The following MRTFB variants were observed in gnomAD, a reference collection of about 807,000 sequenced individuals.
The protein encoded by MRTFB is myocardin-related transcription factor B.
MRTFB carries 29 observed loss-of-function variants against 104.2 expected under a neutral mutation model. The ratio of observed to expected loss-of-function variants is 0.28; its 90% CI spans 0.21 to 0.38. The LOEUF is 0.38. MRTFB is among the 10% of genes least tolerant of loss of function. The pLI is 1.00. For synonymous variants in MRTFB, 535 were observed against 519.5 expected (o/e 1.03, Z -0.41); for missense variants, 1,270 against 1,341.6 (o/e 0.95, Z 0.83).
the MRTFB span, among the ~76,000 whole-genome samples, chr16:14,046,693 T>G: frequency 2.5e-4 from 38 of 152,324 alleles, no homozygotes; most frequent in Non-Finnish European, 5.0e-4. Flanking sequence ...CGATCATGTT[T>G]CTTAATCAAT....
chr16:14,152,754 A>C (rs970216883), intron 3 of MRTFB: 1 of 152,192 alleles, frequency 6.6e-6, no homozygotes, highest in Non-Finnish European at 1.5e-5. Flanking sequence ...GGCATTCCAC[A>C]TTGGGAGGAC....
intron 3 of MRTFB, chr16:14,141,563 T>G (rs1196378095): frequency 1.3e-5 from 2 of 152,166 alleles, no homozygotes. Context: ...TAAATTTCAG[T>G]TTTTTAAAAG....
intron 14 of MRTFB, 39 bp downstream of exon 14, chr16:14,252,062 A>G (rs1346375591): frequency 4.4e-6 from 7 of 1,602,494 alleles, no homozygotes; most frequent in Non-Finnish European, 6.0e-6. Flanking sequence ...ACAGTGCCGC[A>G]GGGGCATCAA....
the MRTFB span, among the ~76,000 whole-genome samples, chr16:14,066,126 T>C: frequency 6.6e-6 from 1 of 152,218 alleles, no homozygotes; most frequent in Non-Finnish European, 1.5e-5. Context: ...ACATTTTTTA[T>C]TGAATGAATG....
chr16:14,117,922 T>C (rs2036626038), intron 2 of MRTFB, among the ~76,000 whole-genome samples: 2 of 152,184 alleles, frequency 1.3e-5, no homozygotes, highest in African/African-American at 4.8e-5. Flanking sequence ...TTTAAAAATA[T>C]GTTACTTCAT....
rs750046044 is a variant in MRTFB, at chr16:14,247,386, CTGT to C, written c.2132_2134del (p.Val711del). 3.0e-5 allele frequency: 48 copies of C among 1,613,772 alleles called. 1 individual carries two copies. The highest frequency in any genetic ancestry group is 3.3e-4 in the Middle Eastern group (2 of 6,084). Reference sequence around the variant, plus strand: ...AGTTCCCAGGGACAGCCACCGCCTGCTGTTGTTGCTCAGCCCCAGGCTTTACTG... The same window carrying C: ...AGTTCCCAGGGACAGCCACCGCCTGCTGTTGCTCAGCCCCAGGCTTTACTG... On this transcript the variant is annotated inframe_deletion, in exon 12 of 17. Coordinates refer to ENST00000571589, the MANE Select transcript of MRTFB (RefSeq NM_001308142.2).
At chr16:14,056,443 A>G in the MRTFB span, among the ~76,000 whole-genome samples, 2 of 152,048 alleles carry the variant, frequency 1.3e-5, no homozygotes, top group Non-Finnish European at 2.9e-5. Context: ...TTGTTGCTCA[A>G]ATTTTTCCAT....
At chr16:14,158,668 AATC>A (rs900764266) in intron 3 of MRTFB, among the ~76,000 whole-genome samples, 3 of 152,228 alleles carry the variant, frequency 2.0e-5, no homozygotes, top group African/African-American at 7.2e-5. Flanking sequence ...GTATAAATAT[AATC>A]ATATGCAAAG....
At chr16:14,163,377 A>G (rs2039113613) in intron 3 of MRTFB, among the ~76,000 whole-genome samples, 2 of 152,182 alleles carry the variant, frequency 1.3e-5, no homozygotes, top group African/African-American at 4.8e-5. Context: ...TAGACTGTTA[A>G]CTATCTTCAA....
chr16:14,213,160 T>C (rs1319065746), intron 5 of MRTFB, among the ~76,000 whole-genome samples: 1 of 152,202 alleles, frequency 6.6e-6, no homozygotes, highest in Non-Finnish European at 1.5e-5. Flanking sequence ...AGAAAACACA[T>C]TAAGATTTTT....
At chr16:14,049,690 C>T in the MRTFB span, among the ~76,000 whole-genome samples, 3 of 152,086 alleles carry the variant, frequency 2.0e-5, no homozygotes, top group African/African-American at 7.2e-5. Flanking sequence ...AACTACAGTG[C>T]GGTTATGGAA....
the MRTFB span, among the ~76,000 whole-genome samples, chr16:14,065,353 T>A: frequency 6.6e-6 from 1 of 152,168 alleles, no homozygotes; most frequent in African/African-American, 2.4e-5. Context: ...TCTAGGAGAT[T>A]TGGGGCTGAG....
At chr16:14,029,418 AAATATAT>A in the MRTFB span, among the ~76,000 whole-genome samples, 1 of 74,032 alleles carries the variant, frequency 1.4e-5, no homozygotes, top group African/African-American at 4.1e-5. Context: ...AAAAAAAAAA[AAATATAT>A]ATATATATAT....
the MRTFB span, among the ~76,000 whole-genome samples, chr16:14,055,664 G>A: frequency 6.6e-6 from 1 of 152,182 alleles, no homozygotes; most frequent in Non-Finnish European, 1.5e-5. Context: ...GAATAATAGA[G>A]GTGAAATGCC....
At chr16:14,212,667 C>T (rs576679167) in intron 5 of MRTFB, among the ~76,000 whole-genome samples, 32 of 152,268 alleles carry the variant, frequency 2.1e-4, no homozygotes, top group African/African-American at 6.5e-4. Flanking sequence ...CATACTTCTT[C>T]GCTTTCTTGC....
At chr16:14,031,947 A>G in the MRTFB span, among the ~76,000 whole-genome samples, 1 of 152,170 alleles carries the variant, frequency 6.6e-6, no homozygotes, top group Non-Finnish European at 1.5e-5. Flanking sequence ...AGCTTGGATT[A>G]CAGGCCTTCT....
intron 15 of MRTFB, 39 bp from the exon 16 acceptor site, chr16:14,258,062 G>A: frequency 6.5e-7 from 1 of 1,546,818 alleles, no homozygotes. Flanking sequence ...TTCCAGGTTT[G>A]TATGAAAGAA....
chr16:14,171,244 G>A (rs1308521101), intron 3 of MRTFB, among the ~76,000 whole-genome samples: 4 of 152,196 alleles, frequency 2.6e-5, no homozygotes, highest in African/African-American at 9.6e-5. Context: ...GGAACTACAT[G>A]TGTTCATTGT....
chr16:14,161,458 C>CA (rs1484354715), intron 3 of MRTFB, among the ~76,000 whole-genome samples: 6 of 152,106 alleles, frequency 3.9e-5, no homozygotes, highest in Non-Finnish European at 8.8e-5. Context: ...AACTCATACA[C>CA]AAAAAATCCA....
Sources: allele counts gnomAD v4.1 joint callset (sites outside exome capture counted in the v4.1 genomes callset), GRCh38; gene constraint gnomAD v4.1.1; transcripts MANE v1.5; gene names NCBI Gene and HGNC (gene_info 2026-07-23, HGNC 2026-07-21).